CCDC110: variants seen among roughly 807,000 people sequenced by gnomAD.
CCDC110 encodes coiled-coil domain-containing protein 110.
Under a neutral mutation model 77.1 loss-of-function variants are expected in CCDC110, and 70 were observed. The ratio of observed to expected loss-of-function variants is 0.91; its 90% confidence interval spans 0.75 to 1.11. The LOEUF is 1.11. CCDC110 is among the 50% of genes least tolerant of loss of function. The probability of loss-of-function intolerance (pLI) is 0.00; values close to 1 mark genes in which losing one functional copy is unlikely to be tolerated. For missense variants in CCDC110, 868 were observed against 942.9 expected (o/e 0.92, Z 1.04); for synonymous variants, 295 against 312.5 (o/e 0.94, Z 0.59).
In CCDC110 at chr4:185,468,319, A is replaced by G. The variant is rs2095659791; in HGVS notation, c.115+2626T>C. On this transcript the variant is annotated intron_variant, in intron 2 of 6. Coordinates refer to ENST00000307588, the MANE Select transcript of CCDC110 (RefSeq NM_152775.4). The surrounding 1 kb of genome is among the most constrained non-coding windows in gnomAD (Gnocchi z 4.5). ...GCCCTTACTGAGGTGTACGAGGTGT[A>G]CGGCACATAGTGAATGCTCAAGAGA... Among the ~76,000 whole-genome samples the G allele has an allele frequency of 6.6e-6, 1 of 152,230 alleles. No individual in the cohort carries two copies. The highest frequency in any genetic ancestry group is 1.9e-4 in the East Asian group (1 of 5,200).
chr4:185,459,239 T>A lies in CCDC110; in HGVS notation c.1348A>T (p.Ser450Cys), dbSNP rs113136065. 2 of 1,606,996 alleles carry A rather than the reference T, an allele frequency of 1.2e-6. No homozygotes were observed. Among genetic ancestry groups the A allele is most frequent in the Non-Finnish European group, 1.7e-6 (2 of 1,178,040 alleles). The change falls in exon 6 of 7, where the codon AGT becomes TGT. Residue 450 changes from serine to cysteine, a missense_variant. Physicochemically the swap from Ser to Cys is moderately radical, Grantham distance 112 (BLOSUM62 -1). Transcript: ENST00000307588. Reference sequence around the variant, plus strand: ...TTGGACTTAAGGTTTAGATTTTCACTCTCCAGTTCCATTACTTTTTTCTGT... The same window carrying A: ...TTGGACTTAAGGTTTAGATTTTCACACTCCAGTTCCATTACTTTTTTCTGT... ...QIQKKVMELE[S>C]ENLNLKSKMK...
intron 6 of CCDC110, chr4:185,457,789 G>T (rs2095638186): frequency 6.9e-7 from 1 of 1,442,070 alleles, no homozygotes; most frequent in Non-Finnish European, 9.2e-7. Context: ...TTGGATGGAA[G>T]CAAATGATAC....
At chr4:185,470,732 C>T (rs1054151799) in intron 2 of CCDC110, 1 of 639,976 alleles carries the variant, frequency 1.6e-6, no homozygotes, top group Non-Finnish European at 2.9e-6. Flanking sequence ...AAATGGGGAT[C>T]GTGGTAGCAC....
At chr4:185,446,079 G>A (rs2095610187) in intron 6 of CCDC110, among the ~76,000 whole-genome samples, 1 of 152,122 alleles carries the variant, frequency 6.6e-6, no homozygotes, top group African/African-American at 2.4e-5. Flanking sequence ...GACCTCAGGT[G>A]ATCCACCCAC....
At chr4:185,469,939 C>T (rs2095662867) in intron 2 of CCDC110, among the ~76,000 whole-genome samples, 1 of 152,198 alleles carries the variant, frequency 6.6e-6, no homozygotes, top group South Asian at 2.1e-4. Context: ...CCGGGCATGG[C>T]ACATCAGTCT....
At chr4:185,470,500 C>T in intron 2 of CCDC110, 2 of 344,422 alleles carry the variant, frequency 5.8e-6, no homozygotes, top group South Asian at 4.4e-5. Flanking sequence ...TGGTTGAATC[C>T]AAGGATGCGG....
In CCDC110 at chr4:185,458,941, T is replaced by G; in HGVS notation, c.1646A>C (p.Lys549Thr). The change falls in exon 6 of 7, where the codon AAG becomes ACG. Residue 549 changes from lysine (K) to threonine (T), a missense_variant. Lys to Thr is a moderately conservative substitution (Grantham distance 78, BLOSUM62 -1). Coordinates refer to ENST00000307588, the MANE Select transcript of CCDC110 (RefSeq NM_152775.4). Reference sequence around the variant, plus strand: ...CATATCACTTTGAGTTTTGTGTTCCTTACTTTTTAGTTGATCTAATGCTTC... The same window carrying G: ...CATATCACTTTGAGTTTTGTGTTCCGTACTTTTTAGTTGATCTAATGCTTC... The part of the protein sequence containing the change: ...MMEALDQLKS[K>T]EHKTQSDMAI... 1 of 1,608,470 alleles carries G rather than the reference T, an allele frequency of 6.2e-7. No individual in the cohort carries two copies. The highest frequency in any genetic ancestry group is 1.3e-5 in the African/African-American group (1 of 74,934).
chr4:185,455,419 T>G (rs1019698820), intron 6 of CCDC110, among the ~76,000 whole-genome samples: 5 of 152,110 alleles, frequency 3.3e-5, no homozygotes, highest in African/African-American at 1.2e-4. Flanking sequence ...TATAAAAGGA[T>G]GCAAAAAGAT....
At chr4:185,464,838 AT>A (rs201233841) in intron 2 of CCDC110, among the ~76,000 whole-genome samples, 2 of 151,830 alleles carry the variant, frequency 1.3e-5, no homozygotes, top group East Asian at 3.9e-4. Context: ...TAGTATTTGG[AT>A]TTTTTTTTAC....
chr4:185,447,401 T>G (rs536071556), intron 6 of CCDC110, among the ~76,000 whole-genome samples: 1 of 152,064 alleles, frequency 6.6e-6, no homozygotes, highest in Non-Finnish European at 1.5e-5. Flanking sequence ...AGGATGGACT[T>G]GATCTCCTGA....
rs1195272183 is a variant in CCDC110 at position 185,459,047 on chromosome 4, T to C, written c.1540A>G (p.Lys514Glu). 1 of 1,568,926 alleles carries C rather than the reference T, an allele frequency of 6.4e-7. No individual in the cohort carries two copies. The highest frequency in any genetic ancestry group is 8.6e-7 in the Non-Finnish European group (1 of 1,157,390). The change falls in exon 6 of 7, where the codon AAA (lysine) becomes GAA (glutamate). Residue 514 changes from lysine (K) to glutamate (E), a missense_variant. Transcript: ENST00000307588. ...TTTTGGCCTTGCAGAACATTATATTTACTAATTATTTTTTTAAATTCTTTA... is the reference window on the plus strand; with the variant it reads ...TTTTGGCCTTGCAGAACATTATATTCACTAATTATTTTTTTAAATTCTTTA... ...CLKEFKKIISKYNVLQGQNKT... is the reference protein window; with the variant it reads ...CLKEFKKIISEYNVLQGQNKT...
At chr4:185,469,750 G>T (rs761840972) in intron 2 of CCDC110, among the ~76,000 whole-genome samples, 1 of 152,228 alleles carries the variant, frequency 6.6e-6, no homozygotes, top group Non-Finnish European at 1.5e-5. Flanking sequence ...GGGCACCCGG[G>T]TGTCTTCTGT....
At chr4:185,465,138 G>A (rs977319907) in intron 2 of CCDC110, among the ~76,000 whole-genome samples, 4 of 152,064 alleles carry the variant, frequency 2.6e-5, no homozygotes, top group East Asian at 3.9e-4. Flanking sequence ...ATTTAAACAC[G>A]AAGATAGGAT....
intron 5 of CCDC110, 128 bp from the exon 6 acceptor site, chr4:185,460,366 G>T: frequency 1.6e-6 from 1 of 614,762 alleles, no homozygotes; most frequent in Non-Finnish European, 2.7e-6. Context: ...CTACAGCAAA[G>T]GAGCATAACA....
At position 185,460,121 on chromosome 4, in the gene CCDC110, G is replaced by T. The variant is rs371690886; in HGVS notation, c.466C>A (p.Gln156Lys). 3 of 1,613,478 alleles carry T rather than the reference G, an allele frequency of 1.9e-6. No individual in the cohort carries two copies. The highest frequency in any genetic ancestry group is 2.5e-6 in the Non-Finnish European group (3 of 1,179,912). The change falls in exon 6 of 7, where the codon CAA becomes AAA. Residue 156 changes from glutamine to lysine, a missense_variant. Transcript: ENST00000307588. Reference protein sequence around the residue: ...LSGDSVNSLPQSVNVPSQIHS... With the variant: ...LSGDSVNSLPKSVNVPSQIHS... ...ATCTGGGATGGAACATTTACACTTTGAGGGAGACTGTTCACACTATCACCA... is the reference window on the plus strand; with the variant it reads ...ATCTGGGATGGAACATTTACACTTTTAGGGAGACTGTTCACACTATCACCA...
At chr4:185,461,610 A>G (rs1440198673) in intron 4 of CCDC110, among the ~76,000 whole-genome samples, 1 of 152,188 alleles carries the variant, frequency 6.6e-6, no homozygotes. Context: ...ACTTCTGTTT[A>G]TACTTCTCCT....
chr4:185,471,069 G>T lies in CCDC110; in HGVS notation c.11-20C>A. 3 of 1,487,266 alleles carry T rather than the reference G, an allele frequency of 2.0e-6. No homozygotes were observed. The highest frequency in any genetic ancestry group is 2.2e-5 in the African/African-American group (1 of 45,896). The allele number at this position is 1,487,266 out of a possible 1,614,324, so 92.1% of individuals were successfully genotyped here. On this transcript the variant is annotated intron_variant, in intron 1 of 6. Transcript: ENST00000307588. ...GCTTTTCTGTAACAGAACCGTCCGG[G>T]GCTGTTCTGTCGCGGGTCGTGGCGT...
At position 185,470,973 on chromosome 4, in the gene CCDC110, C is replaced by T. The variant is rs1311915451; in HGVS notation, c.87G>A (p.Gly29=). The change falls in exon 2 of 7, where the codon GGG becomes GGA. Residue 29 remains glycine, a synonymous_variant. Transcript: ENST00000307588. ...TGTCACTGCAGCCACTTTCCTTCAC[C>T]CCCTCCGAAGAATTTAGGATCTTGG... The part of the protein sequence containing the change: ...SASKILNSSE[G]VKESGCSDTE... 1 of 1,610,890 alleles carries T rather than the reference C, an allele frequency of 6.2e-7. No individual in the cohort carries two copies.
intron 6 of CCDC110, chr4:185,452,460 G>A: frequency 1.3e-6 from 1 of 771,980 alleles, no homozygotes; most frequent in Non-Finnish European, 1.6e-6. Context: ...GCTCTGATAA[G>A]AACTGGAGAG....
Sources: gnomAD v4.1 joint callset for allele counts (sites outside exome capture counted in the v4.1 genomes callset) on GRCh38, gnomAD v4.1.1 for gene constraint, Gnocchi (gnomAD v3.1) non-coding constraint, MANE v1.5 for transcripts, NCBI Gene and HGNC (gene_info 2026-07-23, HGNC 2026-07-21) for gene names.